NT5C: variants seen among roughly 807,000 people sequenced by gnomAD.
The protein encoded by NT5C is 5'(3')-deoxyribonucleotidase, cytosolic type.
A neutral mutation model predicts 17.6 loss-of-function variants in NT5C; 14 were observed. That is an observed-to-expected ratio of 0.79 (90% CI 0.52 to 1.24). The LOEUF is 1.24. Ranked by LOEUF, NT5C falls within the 50% of genes most tolerant of loss-of-function variation. The pLI is 0.00. For synonymous variants in NT5C, 153 were observed against 119.2 expected (o/e 1.28, Z -1.85); for missense variants, 328 against 278.3 (o/e 1.18, Z -1.27).
chr17:75,130,463 C>T lies in NT5C; in HGVS notation c.*25G>A, dbSNP rs141160505. On this transcript the variant is annotated 3_prime_UTR_variant, in exon 5 of 5. Transcript: ENST00000245552. ...TGTGGGCCTGCCCTTCCTTTAGCTC[C>T]AGCTGCTGCCCGCGGCATCCCCGCT... 1,680 of 1,612,036 alleles carry T rather than the reference C, an allele frequency of 1.0e-3. 26 individuals are homozygous for T. In the South Asian group the frequency reaches 0.013, roughly 13 times the overall value.
chr17:75,131,458 C>T (rs1464712367), intron 1 of NT5C, 76 bp downstream of exon 1: 17 of 1,421,198 alleles, frequency 1.2e-5, no homozygotes, highest in Non-Finnish European at 1.6e-5. Flanking sequence ...GAGCTCTGCG[C>T]CCTTCACAGA....
At position 75,130,363 on chromosome 17, in the gene NT5C, G is replaced by C. The variant is rs986147469; in HGVS notation, c.*125C>G. The C allele has an allele frequency of 1.6e-6, 2 of 1,241,064 alleles. No individual in the cohort carries two copies. The highest frequency in any genetic ancestry group is 4.7e-5 in the East Asian group (2 of 42,950). The allele number at this position is 1,241,064 out of a possible 1,614,324, so 76.9% of individuals were successfully genotyped here. ...GGGCCCGGTAGCACAGCGCTTAACG[G>C]TATCTGCCTGCTCCACTCCACGGGG... is the stretch of plus-strand genomic sequence containing the variant. On this transcript the variant is annotated 3_prime_UTR_variant, in exon 5 of 5. Transcript: ENST00000245552.
intron 1 of NT5C, 55 bp downstream of exon 1, chr17:75,131,479 A>G: frequency 7.0e-7 from 1 of 1,424,514 alleles, no homozygotes; most frequent in South Asian, 1.5e-5. Context: ...GAAGGGGGAG[A>G]CCCCCGGAAC....
intron 1 of NT5C, 67 bp downstream of exon 1, chr17:75,131,465 CAG>C: frequency 7.0e-7 from 1 of 1,433,730 alleles, no homozygotes; most frequent in Non-Finnish European, 9.2e-7. Context: ...GCGCCCTTCA[CAG>C]AGAAGGGGGA....
At position 75,130,449 on chromosome 17, in the gene NT5C, C is replaced by G; in HGVS notation, c.*39G>C. The G allele has an allele frequency of 6.2e-7, 1 of 1,609,454 alleles. No homozygotes were observed. The highest frequency in any genetic ancestry group is 8.5e-7 in the Non-Finnish European group (1 of 1,178,014). On this transcript the variant is annotated 3_prime_UTR_variant, in exon 5 of 5. Transcript: ENST00000245552. Reference sequence around the variant, plus strand: ...TCTGCGGTGGCCCCTGTGGGCCTGCCCTTCCTTTAGCTCCAGCTGCTGCCC... The same window carrying G: ...TCTGCGGTGGCCCCTGTGGGCCTGCGCTTCCTTTAGCTCCAGCTGCTGCCC...
At position 75,131,403 on chromosome 17, in the gene NT5C, C is replaced by T. The variant is rs976531574; in HGVS notation, c.175-122G>A. Reference sequence around the variant, plus strand: ...GGGGCGTCGGTCAGGGGCACGCGCCCAAAGGCTCCTCCCCAGGGTGCGCTG... The same window carrying T: ...GGGGCGTCGGTCAGGGGCACGCGCCTAAAGGCTCCTCCCCAGGGTGCGCTG... On this transcript the variant is annotated intron_variant, in intron 1 of 4. Transcript: ENST00000245552. 1.3e-5 allele frequency: 18 copies of T among 1,398,844 alleles called. No homozygotes were observed. The African/African-American group carries it at 1.9e-4, about 15-fold the overall frequency. 86.7% of individuals were successfully genotyped at this position (1,398,844 alleles called of 1,614,324 possible).
Position 75,130,787 on chromosome 17 carries a change from C to G in NT5C, c.417G>C (p.Gly139=). Residue 139 remains glycine, a synonymous_variant, in exon 4 of 5, where the codon GGG becomes GGC. Coordinates refer to ENST00000245552, the MANE Select transcript of NT5C (RefSeq NM_014595.3). ...TGTCCTTGTCATCAATGAGCAGGTCCCCCAAGACCACCGTCTTGTCCCTTG... is the reference window on the plus strand; with the variant it reads ...TGTCCTTGTCATCAATGAGCAGGTCGCCCAAGACCACCGTCTTGTCCCTTG... The part of the protein sequence containing the change: ...ILTRDKTVVL[G]DLLIDDKDTV... The G allele has an allele frequency of 6.2e-7, 1 of 1,614,142 alleles. No individual in the cohort carries two copies. The highest frequency in any genetic ancestry group is 8.5e-7 in the Non-Finnish European group (1 of 1,180,014).
intron 1 of NT5C, 86 bp from the exon 2 acceptor site, chr17:75,131,367 G>C: frequency 6.9e-7 from 1 of 1,455,338 alleles, no homozygotes; most frequent in Non-Finnish European, 9.3e-7. Flanking sequence ...CCCGAGCTCA[G>C]AGGGGCGGAG....
Position 75,131,108 on chromosome 17 carries a change from G to A in NT5C, c.276-3C>T. 5 of 1,613,272 alleles carry A rather than the reference G, an allele frequency of 3.1e-6. No individual in the cohort carries two copies. The highest frequency in any genetic ancestry group is 4.2e-6 in the Non-Finnish European group (5 of 1,179,938). ...TGGTGCAGATGAAGACCTGCGTGCTGCGGAGAAGGACGCGGTTACCGCCGG... is the reference window on the plus strand; with the variant it reads ...TGGTGCAGATGAAGACCTGCGTGCTACGGAGAAGGACGCGGTTACCGCCGG... On this transcript the variant is annotated splice_polypyrimidine_tract_variant and splice_region_variant and intron_variant, in intron 2 of 4. Transcript: ENST00000245552.
In NT5C at chr17:75,131,271, G is replaced by A; in HGVS notation, c.185C>T (p.Ala62Val). The A allele has an allele frequency of 1.2e-6, 2 of 1,613,884 alleles. No homozygotes were observed. Among genetic ancestry groups the A allele is most frequent in the Non-Finnish European group, 1.7e-6 (2 of 1,179,954 alleles). ...ALRPDLADKV[A>V]SVYEAPGFFL... ...AAAGCCCGGGGCTTCGTACACACTG[G>A]CCACTTTATCCTGAAAGACAAGAGT... The change falls in exon 2 of 5, where the codon GCC (alanine) becomes GTC (valine). Residue 62 changes from alanine to valine, a missense_variant. Ala to Val is a moderately conservative substitution (Grantham distance 64). Transcript: ENST00000245552.
At position 75,130,832 on chromosome 17, in the gene NT5C, G is replaced by A. The variant is rs2074106397; in HGVS notation, c.372C>T (p.Phe124=). The A allele has an allele frequency of 6.2e-7, 1 of 1,614,114 alleles. No individual in the cohort carries two copies. The highest frequency in any genetic ancestry group is 8.5e-7 in the Non-Finnish European group (1 of 1,180,012). The change falls in exon 4 of 5, where the codon TTC becomes TTT. Residue 124 remains phenylalanine, a synonymous_variant. Coordinates refer to ENST00000245552, the MANE Select transcript of NT5C (RefSeq NM_014595.3). The part of the protein sequence containing the change: ...RWVEQHLGPQ[F]VERIILTRDK... ...CCCTTGTCAGGATAATTCGTTCTAC[G>A]AACTGGGGCCCCAGGTGCTGCTCCA...
intron 3 of NT5C, 84 bp from the exon 4 acceptor site, chr17:75,130,951 C>T (rs2074109255): frequency 1.2e-6 from 2 of 1,605,218 alleles, no homozygotes; most frequent in African/African-American, 1.3e-5. Context: ...CCCTTGAGAG[C>T]CCCCCACCCC....
Position 75,131,668 on chromosome 17 carries a change from C to A in NT5C, c.40G>T (p.Val14Phe). 1.5e-6 allele frequency: 2 copies of A among 1,338,178 alleles called. No individual in the cohort carries two copies. Among genetic ancestry groups the A allele is most frequent in the Non-Finnish European group, 9.5e-7 (1 of 1,049,192 alleles). 82.9% of individuals were successfully genotyped at this position (1,338,178 alleles called of 1,614,324 possible). A position where few individuals can be genotyped will look rare whatever the true frequency, so the allele number is the denominator to read the frequency against. The change falls in exon 1 of 5, where the codon GTC (valine) becomes TTC (phenylalanine). Residue 14 changes from valine (V) to phenylalanine (F), a missense_variant. By Grantham distance (50) the Val-to-Phe change is conservative. Transcript: ENST00000245552. ...AGGCCGGCCTCGAAGTCGGCCAGGA[C>A]GCCGTCCATGTCCACCAGCACGCGC... ...SVRVLVDMDG[V>F]LADFEAGLLR...
Position 75,130,808 on chromosome 17 carries a change from C to T in NT5C, c.396G>A (p.Arg132=). ...GGTCCCCCAAGACCACCGTCTTGTC[C>T]CTTGTCAGGATAATTCGTTCTACGA... ...PQFVERIILT[R]DKTVVLGDLL... Residue 132 remains arginine (R), a synonymous_variant, in exon 4 of 5, where the codon AGG becomes AGA. Transcript: ENST00000245552. The T allele has an allele frequency of 1.9e-6, 3 of 1,614,140 alleles. No homozygotes were observed. Among genetic ancestry groups the T allele is most frequent in the Non-Finnish European group, 2.5e-6 (3 of 1,180,024 alleles).
rs2074130543 is a variant in NT5C at position 75,131,691 on chromosome 17, C to G, written c.17G>C (p.Arg6Pro). The G allele has an allele frequency of 7.7e-7, 1 of 1,301,588 alleles. No homozygotes were observed. The highest frequency in any genetic ancestry group is 9.7e-7 in the Non-Finnish European group (1 of 1,026,336). 80.6% of individuals were successfully genotyped at this position (1,301,588 alleles called of 1,614,324 possible). A position where few individuals can be genotyped will look rare whatever the true frequency, so the allele number is the denominator to read the frequency against. MARSV[R>P]VLVDMDGVLA... ...GACGCCGTCCATGTCCACCAGCACG[C>G]GCACGCTCCGCGCCATCGCCGCCGG... The change falls in exon 1 of 5, where the codon CGC becomes CCC. Residue 6 changes from arginine to proline, a missense_variant. Transcript: ENST00000245552.
At position 75,131,253 on chromosome 17, in the gene NT5C, G is replaced by A. The variant is rs11541956; in HGVS notation, c.203C>T (p.Pro68Leu). ...GGGCTCCAGGTCCAGGAAAAAGCCC[G>A]GGGCTTCGTACACACTGGCCACTTT... ...ADKVASVYEAPGFFLDLEPIP... is the reference protein window; with the variant it reads ...ADKVASVYEALGFFLDLEPIP... Residue 68 changes from proline (P) to leucine (L), a missense_variant, in exon 2 of 5, where the codon CCG (proline) becomes CTG (leucine). Transcript: ENST00000245552. 39,421 of 1,613,956 alleles carry A rather than the reference G, an allele frequency of 0.024. 598 individuals carry two copies. The highest frequency in any genetic ancestry group is 0.03 in the Non-Finnish European group (35,060 of 1,179,966).
In NT5C at chr17:75,131,208, G is replaced by A. The variant is rs766310077; in HGVS notation, c.248C>T (p.Ala83Val). ...CGGTAGGTCGTTCATCTCCCGCACAGCGTCCAAGGCTCCCGGGATGGGCTC... is the reference window on the plus strand; with the variant it reads ...CGGTAGGTCGTTCATCTCCCGCACAACGTCCAAGGCTCCCGGGATGGGCTC... ...DLEPIPGALD[A>V]VREMNDLPDT... is the part of the protein sequence containing the mutation. Residue 83 changes from alanine to valine, a missense_variant, in exon 2 of 5, where the codon GCT (alanine) becomes GTT (valine). By Grantham distance (64) the Ala-to-Val change is moderately conservative. Coordinates refer to ENST00000245552, the MANE Select transcript of NT5C (RefSeq NM_014595.3). 1.2e-6 allele frequency: 2 copies of A among 1,613,960 alleles called. No individual in the cohort carries two copies. Among genetic ancestry groups the A allele is most frequent in the Admixed American group, 1.7e-5 (1 of 60,028 alleles).
At position 75,131,563 on chromosome 17, in the gene NT5C, G is replaced by C; in HGVS notation, c.145C>G (p.Gln49Glu). ...AGGTCGGGCCGCAGGGCGCGGTACT[G>C]CTCGCGGGCCAGGAAGCCGCGGCGT... ...EQRRGFLARE[Q>E]YRALRPDLAD... Residue 49 changes from glutamine (Q) to glutamate (E), a missense_variant, in exon 1 of 5, where the codon CAG becomes GAG. Gln to Glu is a conservative substitution (Grantham distance 29). Coordinates refer to ENST00000245552, the MANE Select transcript of NT5C (RefSeq NM_014595.3). The C allele has an allele frequency of 7.2e-7, 1 of 1,397,562 alleles. No individual in the cohort carries two copies. The allele number at this position is 1,397,562 out of a possible 1,614,324, so 86.6% of individuals were successfully genotyped here.
intron 3 of NT5C, 22 bp from the exon 4 acceptor site, chr17:75,130,889 T>A (rs2074107819): frequency 6.2e-7 from 1 of 1,613,612 alleles, no homozygotes; most frequent in African/African-American, 1.3e-5. Context: ...ACACAGTCTG[T>A]GAGTAGGGCC....
Sources: allele counts gnomAD v4.1 joint callset, GRCh38; gene constraint gnomAD v4.1.1; transcripts MANE v1.5; gene names NCBI Gene and HGNC (gene_info 2026-07-23, HGNC 2026-07-21).